ABCA1: variants seen among roughly 807,000 people sequenced by gnomAD.
ABCA1 encodes the protein phospholipid-transporting ATPase ABCA1.
A neutral mutation model predicts 262.5 loss-of-function variants in ABCA1; 133 were observed. That is an observed-to-expected ratio of 0.51 (90% confidence interval 0.44 to 0.59). ABCA1 has a LOEUF of 0.59. ABCA1 is among the 20% of genes least tolerant of loss of function. The pLI, the probability that ABCA1 is intolerant of heterozygous loss-of-function variation, is 0.00. For synonymous variants in ABCA1, 1,022 were observed against 1,043.5 expected, an observed-to-expected ratio of 0.98 and a Z score of 0.40; for missense variants, 2,452 against 2,777.5, an observed-to-expected ratio of 0.88 and a Z score of 2.63.
chr9:104,816,000 T>C, intron 25 of ABCA1, 143 bp downstream of exon 25: 1 of 921,094 alleles, frequency 1.1e-6, no homozygotes, highest in Non-Finnish European at 1.8e-6. Flanking sequence ...AATGGCTCAC[T>C]GGGGCCAACA....
At chr9:104,915,116 C>A (rs1841766790) in intron 1 of ABCA1, among the ~76,000 whole-genome samples, 1 of 152,208 alleles carries the variant, frequency 6.6e-6, no homozygotes. Flanking sequence ...AATTTTGCCA[C>A]CTTAACACTT....
rs978915204 is a variant in ABCA1, at chr9:104,782,593, G to A, written c.*1722C>T. ...AAATAAGACTGGGTTAGAAAACTCT[G>A]AAAAATGCTCCATATGGAAGTATTT... On this transcript the variant is annotated 3_prime_UTR_variant, in exon 50 of 50. Transcript: ENST00000374736. 1 of 152,066 alleles carries A rather than the reference G, an allele frequency of 6.6e-6. No individual in the cohort carries two copies. The highest frequency in any genetic ancestry group is 2.4e-5 in the African/African-American group (1 of 41,412). 9.4% of individuals were successfully genotyped at this position (152,066 alleles called of 1,614,324 possible). A position where few individuals can be genotyped will look rare whatever the true frequency, so the allele number is the denominator to read the frequency against.
At chr9:104,868,596 T>C (rs1417267024) in intron 5 of ABCA1, among the ~76,000 whole-genome samples, 3 of 152,184 alleles carry the variant, frequency 2.0e-5, no homozygotes, top group African/African-American at 7.2e-5. Context: ...GTCTCTTCAA[T>C]ACAGACCAAA....
chr9:104,913,818 T>C (rs529892466), intron 1 of ABCA1, among the ~76,000 whole-genome samples: 5 of 152,298 alleles, frequency 3.3e-5, no homozygotes, highest in East Asian at 1.9e-4. Context: ...TTTATTTAGA[T>C]GGAGTCTGGC....
rs115551229 is a variant in ABCA1 at position 104,808,266 on chromosome 9, C to G, written c.4274+1200G>C. Among the ~76,000 whole-genome samples, 773 of 152,282 alleles carry G rather than the reference C, an allele frequency of 5.1e-3. 7 individuals carry two copies. The highest frequency in any genetic ancestry group is 0.02 in the Middle Eastern group (6 of 294). Reference sequence around the variant, plus strand: ...GATGTCAGGGCCGGGCCTCTTTTGTCTCTATGGGCTGGCTCTCAGCCCAGT... The same window carrying G: ...GATGTCAGGGCCGGGCCTCTTTTGTGTCTATGGGCTGGCTCTCAGCCCAGT... On this transcript the variant is annotated intron_variant, in intron 30 of 49. Coordinates refer to ENST00000374736, the MANE Select transcript of ABCA1 (RefSeq NM_005502.4).
At chr9:104,916,038 T>C (rs1166201864) in intron 1 of ABCA1, among the ~76,000 whole-genome samples, 1 of 152,124 alleles carries the variant, frequency 6.6e-6, no homozygotes, top group Non-Finnish European at 1.5e-5. Flanking sequence ...GCTCTGATCA[T>C]GTGAAATGTG....
intron 5 of ABCA1, among the ~76,000 whole-genome samples, chr9:104,878,748 T>G (rs532228598): frequency 6.6e-6 from 1 of 152,314 alleles, no homozygotes; most frequent in South Asian, 2.1e-4. Context: ...CTAACTGGTC[T>G]CTAAGGTCTC....
chr9:104,840,747 C>T (rs1322346016), intron 8 of ABCA1, among the ~76,000 whole-genome samples: 1 of 152,158 alleles, frequency 6.6e-6, no homozygotes, highest in African/African-American at 2.4e-5. Flanking sequence ...TTACTGGAGA[C>T]ATTGTTGGAA....
At chr9:104,859,328 G>A (rs1173484660) in intron 6 of ABCA1, among the ~76,000 whole-genome samples, 1 of 152,088 alleles carries the variant, frequency 6.6e-6, no homozygotes, top group African/African-American at 2.4e-5. Context: ...GCCTCTTCTT[G>A]GTCATATTTT....
intron 34 of ABCA1, among the ~76,000 whole-genome samples, chr9:104,801,669 G>A (rs1350251061): frequency 6.6e-6 from 1 of 152,094 alleles, no homozygotes; most frequent in Non-Finnish European, 1.5e-5. Flanking sequence ...AGCCTCCCAA[G>A]TAGCTGGGAT....
chr9:104,919,337 C>G (rs554259299), intron 1 of ABCA1, among the ~76,000 whole-genome samples: 2 of 152,238 alleles, frequency 1.3e-5, no homozygotes, highest in East Asian at 3.9e-4. Context: ...TTAGGCCGGG[C>G]ACTGTGGCTC....
intron 5 of ABCA1, among the ~76,000 whole-genome samples, chr9:104,865,004 T>C (rs553040705): frequency 6.6e-6 from 1 of 152,280 alleles, no homozygotes; most frequent in Admixed American, 6.5e-5. Flanking sequence ...GTAGGTTCGC[T>C]GGGTTGGGAA....
At chr9:104,842,362 A>G (rs531849960) in intron 8 of ABCA1, among the ~76,000 whole-genome samples, 20 of 152,212 alleles carry the variant, frequency 1.3e-4, no homozygotes, top group Non-Finnish European at 1.9e-4. Flanking sequence ...GAGATTTTTA[A>G]ATAACAGTGA....
At chr9:104,798,658 G>C in intron 36 of ABCA1, 60 bp from the exon 37 acceptor site, 1 of 1,464,250 alleles carries the variant, frequency 6.8e-7, no homozygotes, top group Non-Finnish European at 9.4e-7. Flanking sequence ...GGCTCAATCA[G>C]TGAGGACATG....
rs374365692 is a variant in ABCA1, at chr9:104,919,457, C to T, written c.-93+8478G>A. ...AAACCCCGTCTCTATTAAAAAAATACAAAAATTAGCCGGACATGGTGGCAT... is the reference window on the plus strand; with the variant it reads ...AAACCCCGTCTCTATTAAAAAAATATAAAAATTAGCCGGACATGGTGGCAT... On this transcript the variant is annotated intron_variant, in intron 1 of 49. Coordinates refer to ENST00000374736, the MANE Select transcript of ABCA1 (RefSeq NM_005502.4). Among the ~76,000 whole-genome samples the T allele has an allele frequency of 7.2e-5, 11 of 152,194 alleles. No individual in the cohort carries two copies. In the East Asian group the frequency reaches 1.7e-3, roughly 24 times the overall value.
chr9:104,862,658 C>CCCCCA (rs1836621229), intron 5 of ABCA1, among the ~76,000 whole-genome samples: 1 of 5,172 alleles, frequency 1.9e-4, no homozygotes, highest in Non-Finnish European at 5.0e-4. Flanking sequence ...CCGGGCCGGG[C>CCCCCA]CGGGCCGGGC....
chr9:104,864,762 C>T (rs542671182), intron 5 of ABCA1, among the ~76,000 whole-genome samples: 41 of 151,994 alleles, frequency 2.7e-4, no homozygotes, highest in Admixed American at 6.5e-4. Flanking sequence ...TGTGGGAGGG[C>T]GACCCAGGCC....
intron 6 of ABCA1, among the ~76,000 whole-genome samples, chr9:104,860,897 C>T (rs970891259): frequency 2.0e-5 from 3 of 151,856 alleles, no homozygotes; most frequent in East Asian, 1.9e-4. Context: ...GCTGGGACTA[C>T]AGGAGCATGC....
chr9:104,846,387 T>C (rs990912128), intron 7 of ABCA1, among the ~76,000 whole-genome samples: 2 of 152,222 alleles, frequency 1.3e-5, no homozygotes, highest in African/African-American at 4.8e-5. Flanking sequence ...AAATCCACCT[T>C]TCTTGATGTT....
Sources: gnomAD v4.1 joint callset for allele counts (sites outside exome capture counted in the v4.1 genomes callset) on GRCh38, gnomAD v4.1.1 for gene constraint, MANE v1.5 for transcripts, NCBI Gene and HGNC (gene_info 2026-07-23, HGNC 2026-07-21) for gene names.